Variants in PRRC1 observed in about 807,000 individuals in gnomAD.
The protein encoded by PRRC1 is protein PRRC1.
PRRC1 carries 39 observed loss-of-function variants against 40.7 expected under a neutral mutation model. The observed-to-expected ratio is 0.96, with a 90% CI of 0.74 to 1.25. The LOEUF is 1.25. PRRC1 is among the 50% of genes most tolerant of loss of function. PRRC1 has a pLI of 0.00. For missense variants in PRRC1, 573 were observed against 548.3 expected, an observed-to-expected ratio of 1.05 and a Z score of -0.45; for synonymous variants, 175 against 193.3, an observed-to-expected ratio of 0.91 and a Z score of 0.79.
chr5:127,542,051 G>C (rs1392866098), intron 7 of PRRC1, among the ~76,000 whole-genome samples: 1 of 151,780 alleles, frequency 6.6e-6, no homozygotes, highest in Admixed American at 6.6e-5. Flanking sequence ...CTTTGAATGT[G>C]TCTGAGATTC....
In PRRC1 at chr5:127,552,229, A is replaced by AATGCC; in HGVS notation, c.*317_*321dup. On this transcript the variant is annotated 3_prime_UTR_variant, in exon 9 of 9. Coordinates refer to ENST00000296666, the MANE Select transcript of PRRC1 (RefSeq NM_130809.5). ...ATTCATGTGCAGAGACATTTAACTT[A>AATGCC]ATGCCATGTACTTGATTATTTTGTT... is the stretch of plus-strand genomic sequence containing the variant. 1 of 1,097,722 alleles carries AATGCC rather than the reference A, an allele frequency of 9.1e-7. No homozygotes were observed. Among genetic ancestry groups the AATGCC allele is most frequent in the Non-Finnish European group, 1.1e-6 (1 of 898,768 alleles). The allele number at this position is 1,097,722 out of a possible 1,614,324, so 68.0% of individuals were successfully genotyped here. A position where few individuals can be genotyped will look rare whatever the true frequency, so the allele number is the denominator to read the frequency against.
chr5:127,538,219 G>A (rs1767948280), intron 6 of PRRC1, among the ~76,000 whole-genome samples: 1 of 151,822 alleles, frequency 6.6e-6, no homozygotes, highest in Non-Finnish European at 1.5e-5. Context: ...GAGTTTTCTC[G>A]AGATGTGTCC....
At chr5:127,524,491 T>C (rs771880669) in intron 2 of PRRC1, 40 bp from the exon 3 acceptor site, 1 of 1,535,726 alleles carries the variant, frequency 6.5e-7, no homozygotes, top group Non-Finnish European at 8.8e-7. Flanking sequence ...ATAAAAAACA[T>C]TTCTAATTCT....
Position 127,524,880 on chromosome 5 carries a change from G to T in PRRC1, c.453G>T (p.Gln151His). 1 of 1,613,616 alleles carries T rather than the reference G, an allele frequency of 6.2e-7. No homozygotes were observed. ...ITRGHAGRAPQTPLMPSFSAP... is the reference protein window; with the variant it reads ...ITRGHAGRAPHTPLMPSFSAP... Reference sequence around the variant, plus strand: ...GGGGACATGCTGGGAGAGCTCCCCAGACACCCCTGATGCCATCATTTTCTG... The same window carrying T: ...GGGGACATGCTGGGAGAGCTCCCCATACACCCCTGATGCCATCATTTTCTG... Residue 151 changes from glutamine to histidine, a missense_variant, in exon 3 of 9, where the codon CAG becomes CAT. Transcript: ENST00000296666.
At chr5:127,523,795 T>C (rs1022313785) in intron 2 of PRRC1, 2 of 399,076 alleles carry the variant, frequency 5.0e-6, no homozygotes, top group Non-Finnish European at 8.8e-6. Context: ...AGGTGGACTT[T>C]TGTTCTTTAT....
Position 127,553,945 on chromosome 5 carries a change from G to C in PRRC1, c.*2029G>C. ...AGATGAGAGATGGTCAGATGGAAGA[G>C]AGAAATACATGAACTGCTCTGGCCT... On this transcript the variant is annotated 3_prime_UTR_variant, in exon 9 of 9. Transcript: ENST00000296666. 6.5e-7 allele frequency: 1 copy of C among 1,531,224 alleles called. No individual in the cohort carries two copies. The highest frequency in any genetic ancestry group is 8.7e-7 in the Non-Finnish European group (1 of 1,143,686). 94.9% of individuals were successfully genotyped at this position (1,531,224 alleles called of 1,614,324 possible). A position where few individuals can be genotyped will look rare whatever the true frequency, so the allele number is the denominator to read the frequency against.
rs1768407666 is a variant in PRRC1, at chr5:127,552,105, T to A, written c.*189T>A. 7.1e-7 allele frequency: 1 copy of A among 1,409,956 alleles called. No homozygotes were observed. The highest frequency in any genetic ancestry group is 1.4e-5 in the African/African-American group (1 of 69,294). The allele number at this position is 1,409,956 out of a possible 1,614,324, so 87.3% of individuals were successfully genotyped here. A position where few individuals can be genotyped will look rare whatever the true frequency, so the allele number is the denominator to read the frequency against. On this transcript the variant is annotated 3_prime_UTR_variant, in exon 9 of 9. Transcript: ENST00000296666. The stretch of plus-strand genomic sequence containing the variant: ...CAGGAGACAAAAAGAAACAAATCCT[T>A]TTTATAGTCATACCATTTCACCTAT...
At chr5:127,534,967 A>G (rs574188939) in intron 6 of PRRC1, among the ~76,000 whole-genome samples, 2 of 152,274 alleles carry the variant, frequency 1.3e-5, no homozygotes, top group South Asian at 2.1e-4. Flanking sequence ...ACCCACTTCT[A>G]ATCCATCAAG....
intron 1 of PRRC1, among the ~76,000 whole-genome samples, chr5:127,520,049 T>C (rs770427974): frequency 6.6e-6 from 1 of 152,244 alleles, no homozygotes; most frequent in Non-Finnish European, 1.5e-5. Context: ...ATCTCCACTA[T>C]CATCACTTGA....
At chr5:127,544,004 T>G (rs233028) in intron 7 of PRRC1, among the ~76,000 whole-genome samples, 3 of 151,568 alleles carry the variant, frequency 2.0e-5, no homozygotes, top group Non-Finnish European at 2.9e-5. Context: ...CTTTGTGGTT[T>G]TATCTACTTT....
At chr5:127,538,773 A>G (rs1458472127) in intron 6 of PRRC1, among the ~76,000 whole-genome samples, 4 of 152,128 alleles carry the variant, frequency 2.6e-5, no homozygotes, top group Admixed American at 2.6e-4. Flanking sequence ...CAATGAGAAA[A>G]TGTAATATAA....
Position 127,523,318 on chromosome 5 carries a change from G to A in PRRC1, c.-20-142G>A, listed in dbSNP as rs1294685947. 5.2e-5 allele frequency: 24 copies of A among 462,848 alleles called. No homozygotes were observed. In the South Asian group the frequency reaches 9.7e-4, roughly 19 times the overall value. The allele number at this position is 462,848 out of a possible 1,614,324, so 28.7% of individuals were successfully genotyped here. On this transcript the variant is annotated intron_variant, in intron 1 of 8. Transcript: ENST00000296666. ...TCTTAGAAATTTGGACAAACTCTTC[G>A]TCTGGAAATAAGTTGCATTATAAAC...
At chr5:127,541,829 C>G (rs1212764173) in intron 7 of PRRC1, among the ~76,000 whole-genome samples, 16 of 152,064 alleles carry the variant, frequency 1.1e-4, no homozygotes, top group African/African-American at 3.9e-4. Flanking sequence ...AAAACCAGCT[C>G]CTGGATTCAT....
intron 2 of PRRC1, chr5:127,523,971 T>C: frequency 6.3e-6 from 1 of 159,962 alleles, no homozygotes; most frequent in Non-Finnish European, 1.4e-5. Context: ...GCCTCCCAGG[T>C]TCAAGTGATT....
At chr5:127,550,395 C>T (rs940935427) in intron 8 of PRRC1, 4 of 152,060 alleles carry the variant, frequency 2.6e-5, no homozygotes, top group South Asian at 2.1e-4. Flanking sequence ...GAAATCAGCC[C>T]TTCAGGTAAT....
intron 7 of PRRC1, among the ~76,000 whole-genome samples, chr5:127,546,435 G>A (rs1226236646): frequency 1.3e-5 from 2 of 152,084 alleles, no homozygotes; most frequent in Admixed American, 1.3e-4. Context: ...AATATATGGT[G>A]CTGTCTCTCT....
At chr5:127,523,301 A>ATT (rs1402708032) in intron 1 of PRRC1, among the ~76,000 whole-genome samples, 159 bp from the exon 2 acceptor site, 1 of 152,216 alleles carries the variant, frequency 6.6e-6, no homozygotes, top group Non-Finnish European at 1.5e-5. Context: ...TTTCTTAGAA[A>ATT]TTTGGACAAA....
In PRRC1 at chr5:127,524,602, C is replaced by T. The variant is rs1428986307; in HGVS notation, c.175C>T (p.Pro59Ser). Residue 59 changes from proline (P) to serine (S), a missense_variant, in exon 3 of 9, where the codon CCT (proline) becomes TCT (serine). Physicochemically the swap from Pro to Ser is moderately conservative, Grantham distance 74. Transcript: ENST00000296666. ...ESFPPLAYST[P>S]QPPLPPVRPS... ...CTTCCCACCACTCGCATACTCTACTCCTCAGCCGCCCCTTCCTCCTGTGAG... is the reference window on the plus strand; with the variant it reads ...CTTCCCACCACTCGCATACTCTACTTCTCAGCCGCCCCTTCCTCCTGTGAG... 8 of 1,614,150 alleles carry T rather than the reference C, an allele frequency of 5.0e-6. No individual in the cohort carries two copies. Among genetic ancestry groups the T allele is most frequent in the Middle Eastern group, 1.6e-4 (1 of 6,062 alleles).
At chr5:127,521,640 A>G (rs1312526378) in intron 1 of PRRC1, among the ~76,000 whole-genome samples, 1 of 152,188 alleles carries the variant, frequency 6.6e-6, no homozygotes, top group Non-Finnish European at 1.5e-5. Context: ...TTTCTAACAC[A>G]GTGACACTCT....
Sources: allele counts gnomAD v4.1 joint callset (sites outside exome capture counted in the v4.1 genomes callset), GRCh38; gene constraint gnomAD v4.1.1; transcripts MANE v1.5; gene names NCBI Gene and HGNC (gene_info 2026-07-23, HGNC 2026-07-21).